Variants in MRTFB observed in about 807,000 individuals in gnomAD.
MRTFB encodes the protein myocardin-related transcription factor B.
Under a neutral mutation model 104.2 loss-of-function variants are expected in MRTFB, and 29 were observed. That is an observed-to-expected ratio of 0.28 (90% CI 0.21 to 0.38). The LOEUF (loss-of-function observed/expected upper bound fraction) is 0.38. MRTFB is among the 10% of genes least tolerant of loss of function. The probability of loss-of-function intolerance (pLI) is 1.00; values close to 1 mark genes in which losing one functional copy is unlikely to be tolerated. For missense variants in MRTFB, 1,270 were observed against 1,341.6 expected (o/e 0.95, Z 0.83); for synonymous variants, 535 against 519.5 (o/e 1.03, Z -0.41).
intron 16 of MRTFB, among the ~76,000 whole-genome samples, 175 bp from the exon 17 acceptor site, chr16:14,260,731 CCAT>C (rs2043737770): frequency 6.6e-6 from 1 of 152,164 alleles, no homozygotes; most frequent in South Asian, 2.1e-4. Flanking sequence ...CTAAAATGAT[CCAT>C]CATCCTAAAG....
At chr16:14,258,182 G>C (rs1219667274) in intron 16 of MRTFB, 21 bp downstream of exon 16, 5 of 1,607,740 alleles carry the variant, frequency 3.1e-6, no homozygotes, top group Non-Finnish European at 4.3e-6. Context: ...AGTCACATCA[G>C]ATCCTCCCAG....
the MRTFB span, chr16:14,016,164 G>A: frequency 7.6e-6 from 3 of 393,398 alleles, no homozygotes; most frequent in South Asian, 1.4e-4. Flanking sequence ...TAGGAATGCT[G>A]TTAAATTTAG....
chr16:14,264,788 A>T lies in MRTFB; in HGVS notation c.*3344A>T, dbSNP rs1312470968. ...ATGAGATAGCACCTCTGAACTGTGCAGTCAGCATACCCTGAGTGATGGCTC... is the reference window on the plus strand; with the variant it reads ...ATGAGATAGCACCTCTGAACTGTGCTGTCAGCATACCCTGAGTGATGGCTC... On this transcript the variant is annotated 3_prime_UTR_variant, in exon 17 of 17. Transcript: ENST00000571589. 6.6e-6 allele frequency: 1 copy of T among 152,194 alleles called. No individual in the cohort carries two copies. Among genetic ancestry groups the T allele is most frequent in the Non-Finnish European group, 1.5e-5 (1 of 68,046 alleles). 9.4% of individuals were successfully genotyped at this position (152,194 alleles called of 1,614,324 possible).
At chr16:14,176,297 G>A (rs910045929) in intron 3 of MRTFB, among the ~76,000 whole-genome samples, 1 of 152,214 alleles carries the variant, frequency 6.6e-6, no homozygotes, top group Non-Finnish European at 1.5e-5. Flanking sequence ...ATAGGAATAA[G>A]ATAAATGAGA....
chr16:14,155,689 C>T (rs1009655147), intron 3 of MRTFB, among the ~76,000 whole-genome samples: 19 of 152,172 alleles, frequency 1.2e-4, no homozygotes, highest in African/African-American at 4.3e-4. Flanking sequence ...TTAAAGGTAT[C>T]TCTGCTGCAT....
chr16:14,075,591 A>G (rs1044323966), intron 1 of MRTFB, among the ~76,000 whole-genome samples: 4 of 152,244 alleles, frequency 2.6e-5, no homozygotes, highest in Non-Finnish European at 5.9e-5. Context: ...TTACATTGTT[A>G]ACAAATTATC....
chr16:13,997,792 CAAAAAA>C, the MRTFB span, among the ~76,000 whole-genome samples: 3 of 90,766 alleles, frequency 3.3e-5, no homozygotes, highest in African/African-American at 4.2e-5. Context: ...GACCCTATCT[CAAAAAA>C]AAAAAAAAAA....
At chr16:14,070,107 G>C (rs7201789), upstream of MRTFB, among the ~76,000 whole-genome samples, 35,279 of 152,096 alleles carry the variant, frequency 0.23, 7,726 homozygotes, top group African/African-American at 0.57. Context: ...CCATGCAGAC[G>C]CTGTTGCAGG....
At position 14,263,758 on chromosome 16, in the gene MRTFB, G is replaced by A. The variant is rs1380564279; in HGVS notation, c.*2314G>A. ...TTGCTAAAGTGCCCACTTCACATATGTGTTTAAACCTTTATAAACCAGTAT... is the reference window on the plus strand; with the variant it reads ...TTGCTAAAGTGCCCACTTCACATATATGTTTAAACCTTTATAAACCAGTAT... On this transcript the variant is annotated 3_prime_UTR_variant, in exon 17 of 17. Coordinates refer to ENST00000571589, the MANE Select transcript of MRTFB (RefSeq NM_001308142.2). 6.6e-6 allele frequency: 1 copy of A among 152,186 alleles called. No homozygotes were observed. Among genetic ancestry groups the A allele is most frequent in the Non-Finnish European group, 1.5e-5 (1 of 68,050 alleles). 9.4% of individuals were successfully genotyped at this position (152,186 alleles called of 1,614,324 possible). A position where few individuals can be genotyped will look rare whatever the true frequency, so the allele number is the denominator to read the frequency against.
At chr16:14,092,725 C>T (rs749905911) in intron 2 of MRTFB, 20 of 152,162 alleles carry the variant, frequency 1.3e-4, no homozygotes, top group African/African-American at 2.9e-4. Flanking sequence ...TTTCAGATCA[C>T]TCCTGTAAAC....
chr16:14,117,218 A>G (rs2036587165), intron 2 of MRTFB, among the ~76,000 whole-genome samples: 1 of 152,254 alleles, frequency 6.6e-6, no homozygotes, highest in Admixed American at 6.5e-5. Flanking sequence ...AGAATCAACC[A>G]GGAAGCATTT....
chr16:14,208,139 G>A (rs994999262), intron 3 of MRTFB, among the ~76,000 whole-genome samples: 15 of 152,198 alleles, frequency 9.9e-5, no homozygotes, highest in African/African-American at 3.6e-4. Context: ...ATGGTAGCAG[G>A]TACCTTTCTT....
chr16:14,137,017 A>G (rs183675893), intron 2 of MRTFB, among the ~76,000 whole-genome samples: 5 of 152,312 alleles, frequency 3.3e-5, no homozygotes, highest in African/African-American at 9.6e-5. Flanking sequence ...GTGAAAGCTA[A>G]GTGATTGTTT....
chr16:14,036,269 TAA>T, the MRTFB span, among the ~76,000 whole-genome samples: 14 of 117,746 alleles, frequency 1.2e-4, no homozygotes, highest in African/African-American at 3.1e-4. Context: ...TATATATATA[TAA>T]GATTTATATG....
upstream of MRTFB, among the ~76,000 whole-genome samples, chr16:14,069,269 C>A (rs2033555360): frequency 6.6e-6 from 1 of 152,158 alleles, no homozygotes; most frequent in South Asian, 2.1e-4. Flanking sequence ...CTGCGCCCAG[C>A]CCAGGTTCTC....
intron 3 of MRTFB, among the ~76,000 whole-genome samples, chr16:14,202,680 ATTTATT>A (rs1234744075): frequency 6.6e-6 from 1 of 152,232 alleles, no homozygotes. Flanking sequence ...CATTTTAAAC[ATTTATT>A]TTTAAGAGAA....
intron 2 of MRTFB, among the ~76,000 whole-genome samples, chr16:14,124,476 C>G (rs151336641): frequency 2.6e-5 from 4 of 152,178 alleles, no homozygotes; most frequent in Admixed American, 6.5e-5. Context: ...TAGCATGAAG[C>G]GGTGTTGAAT....
intron 3 of MRTFB, among the ~76,000 whole-genome samples, chr16:14,208,794 A>G (rs1048912740): frequency 3.3e-5 from 5 of 152,218 alleles, no homozygotes; most frequent in South Asian, 2.1e-4. Context: ...TAGGGAAAAG[A>G]TCTTTCTGTT....
At chr16:14,024,417 A>C in the MRTFB span, among the ~76,000 whole-genome samples, 1 of 152,226 alleles carries the variant, frequency 6.6e-6, no homozygotes, top group African/African-American at 2.4e-5. Flanking sequence ...AAGTCTAACA[A>C]TATCAAGTGT....
Sources: allele counts gnomAD v4.1 joint callset (sites outside exome capture counted in the v4.1 genomes callset), GRCh38; gene constraint gnomAD v4.1.1; transcripts MANE v1.5; gene names NCBI Gene and HGNC (gene_info 2026-07-23, HGNC 2026-07-21).